The following TFB1M variants were observed in gnomAD, a reference collection of about 807,000 sequenced individuals.
TFB1M encodes transcription factor B1, mitochondrial, also known as dimethyladenosine transferase 1, mitochondrial.
A neutral mutation model predicts 31.1 loss-of-function variants in TFB1M; 27 were observed. The ratio of observed to expected loss-of-function variants is 0.87; its 90% CI spans 0.64 to 1.20. TFB1M has a LOEUF of 1.20. Among genes scored for constraint, TFB1M ranks in the 50% most tolerant of loss-of-function variants. TFB1M has a pLI of 0.00. For missense variants in TFB1M, 394 were observed against 418.7 expected, an observed-to-expected ratio of 0.94 and a Z score of 0.51; for synonymous variants, 166 against 151.8, an observed-to-expected ratio of 1.09 and a Z score of -0.69.
intron 2 of TFB1M, among the ~76,000 whole-genome samples, chr6:155,305,386 G>A (rs189964880): frequency 0.019 from 240 of 12,638 alleles, 72 homozygotes; most frequent in African/African-American, 0.081. Flanking sequence ...ATATTAAATT[G>A]TATATTTATA....
rs1784165234 is a variant in TFB1M, at chr6:155,257,765, A to AGAG, written c.*68_*70dup. On this transcript the variant is annotated 3_prime_UTR_variant, in exon 7 of 7. Coordinates refer to ENST00000367166, the MANE Select transcript of TFB1M (RefSeq NM_016020.4). ...TGTATCGTCATTCTGTAAAGACAAA[A>AGAG]GAGTACCTATATAAGAAGCTCCACG... The AGAG allele has an allele frequency of 6.3e-7, 1 of 1,583,118 alleles. No homozygotes were observed. Among genetic ancestry groups the AGAG allele is most frequent in the Admixed American group, 1.8e-5 (1 of 56,812 alleles).
the TFB1M span, among the ~76,000 whole-genome samples, chr6:155,231,463 G>C: frequency 6.6e-6 from 1 of 152,136 alleles, no homozygotes; most frequent in Admixed American, 6.5e-5. Flanking sequence ...TGAATGGTTT[G>C]TCCTCAACTT....
intron 4 of TFB1M, among the ~76,000 whole-genome samples, chr6:155,293,006 A>AT (rs900856370): frequency 2.0e-5 from 3 of 151,844 alleles, no homozygotes; most frequent in African/African-American, 7.3e-5. Flanking sequence ...TTTTTTATTT[A>AT]TTTTTTGTAG....
intron 5 of TFB1M, among the ~76,000 whole-genome samples, chr6:155,261,662 T>C (rs971489380): frequency 7.2e-5 from 11 of 152,214 alleles, no homozygotes; most frequent in African/African-American, 2.7e-4. Flanking sequence ...CCCGGACCCC[T>C]GAGAGCTTGC....
At chr6:155,281,340 T>C (rs1785488001) in intron 5 of TFB1M, among the ~76,000 whole-genome samples, 1 of 152,250 alleles carries the variant, frequency 6.6e-6, no homozygotes, top group Non-Finnish European at 1.5e-5. Context: ...GGAAGTCTAC[T>C]GCCTCTACCA....
At chr6:155,255,790 T>C (rs1245337102), downstream of TFB1M, 3 of 152,336 alleles carry the variant, frequency 2.0e-5, no homozygotes, top group African/African-American at 7.2e-5. Flanking sequence ...CCTTGAGCTC[T>C]TGAGAACAGG....
chr6:155,285,106 G>C lies in TFB1M; in HGVS notation c.666+52C>G. The C allele has an allele frequency of 1.9e-6, 3 of 1,609,198 alleles. No homozygotes were observed. In the South Asian group the frequency reaches 3.3e-5, roughly 18 times the overall value. ...GTTATTTCCTATGACACATCCTCAG[G>C]GGAACAAACGTCCTAATTCCGATAT... On this transcript the variant is annotated intron_variant, in intron 5 of 6. Coordinates refer to ENST00000367166, the MANE Select transcript of TFB1M (RefSeq NM_016020.4).
chr6:155,264,616 T>G (rs1159578206), intron 5 of TFB1M, among the ~76,000 whole-genome samples: 1 of 152,220 alleles, frequency 6.6e-6, no homozygotes, highest in East Asian at 1.9e-4. Context: ...CCCTTTTTTC[T>G]TCCTACAGAT....
intron 6 of TFB1M, among the ~76,000 whole-genome samples, chr6:155,259,238 T>C (rs562035273): frequency 2.6e-5 from 4 of 152,354 alleles, no homozygotes; most frequent in Admixed American, 6.5e-5. Context: ...TCACCAGCAG[T>C]GCACAGTAGC....
At chr6:155,242,537 G>T in the TFB1M span, among the ~76,000 whole-genome samples, 1 of 152,194 alleles carries the variant, frequency 6.6e-6, no homozygotes, top group Non-Finnish European at 1.5e-5. Flanking sequence ...TTTGCTCTCT[G>T]AACTAAGGCC....
intron 2 of TFB1M, among the ~76,000 whole-genome samples, chr6:155,307,926 A>C (rs986604481): frequency 2.6e-5 from 4 of 151,542 alleles, no homozygotes; most frequent in African/African-American, 9.7e-5. Context: ...AAAAAAAATG[A>C]GAGGAAATCT....
chr6:155,314,360 C>G lies in TFB1M; in HGVS notation c.69G>C (p.Lys23Asn). Residue 23 changes from lysine (K) to asparagine (N), a missense_variant, in exon 1 of 7, where the codon AAG becomes AAC. Physicochemically the swap from Lys to Asn is moderately conservative, Grantham distance 94. Around this residue, in one of 3 missense-constraint regions of TFB1M, gnomAD observed 273 missense variants for 256.4 expected, o/e 1.06. Transcript: ENST00000367166. The part of the protein sequence containing the change: ...PPLPTIREII[K>N]LLRLQAAKQL... The stretch of plus-strand genomic sequence containing the variant: ...GCTTCGCTGCTTGCAGTCTTAACAA[C>G]TTAATGATTTCTCGAATCGTGGGCA... 1 of 1,614,248 alleles carries G rather than the reference C, an allele frequency of 6.2e-7. No individual in the cohort carries two copies. The highest frequency in any genetic ancestry group is 8.5e-7 in the Non-Finnish European group (1 of 1,180,044).
chr6:155,249,924 C>T, the TFB1M span: 23 of 1,613,870 alleles, frequency 1.4e-5, no homozygotes, highest in South Asian at 1.2e-4. Flanking sequence ...ATTATGGGAC[C>T]GTGTTTGACC....
At chr6:155,284,766 AAAT>A (rs1476277481) in intron 5 of TFB1M, among the ~76,000 whole-genome samples, 1 of 152,244 alleles carries the variant, frequency 6.6e-6, no homozygotes. Context: ...AGTGTTAAGT[AAAT>A]AATGTTTGAT....
Position 155,314,378 on chromosome 6 carries a change from C to A in TFB1M, c.51G>T (p.Thr17=). Residue 17 remains threonine (T), a synonymous_variant, in exon 1 of 7, where the codon ACG becomes ACT. Transcript: ENST00000367166. ...TTAACAACTTAATGATTTCTCGAAT[C>A]GTGGGCAACGGAGGGAGACGGCAAG... ...LSTCRLPPLP[T]IREIIKLLRL... The A allele has an allele frequency of 6.2e-7, 1 of 1,614,238 alleles. No homozygotes were observed. Among genetic ancestry groups the A allele is most frequent in the East Asian group, 2.2e-5 (1 of 44,882 alleles).
rs1280188310 is a variant in TFB1M, at chr6:155,257,446, T to G, written c.*390A>C. The G allele has an allele frequency of 1.5e-5, 5 of 338,936 alleles. No homozygotes were observed. In the East Asian group the frequency reaches 3.5e-4, roughly 24 times the overall value. 21.0% of individuals were successfully genotyped at this position (338,936 alleles called of 1,614,324 possible). A position where few individuals can be genotyped will look rare whatever the true frequency, so the allele number is the denominator to read the frequency against. ...GGCTGGGGAAGTCGTGATTAATAGT[T>G]TTCAAAGGGCCATTTTTTAAAATCC... On this transcript the variant is annotated 3_prime_UTR_variant, in exon 7 of 7. Transcript: ENST00000367166.
chr6:155,258,735 C>A (rs1176603495), intron 6 of TFB1M, among the ~76,000 whole-genome samples: 2 of 152,200 alleles, frequency 1.3e-5, no homozygotes, highest in African/African-American at 2.4e-5. Context: ...AGTCTCAGGG[C>A]TCTTACAGAG....
the TFB1M span, chr6:155,251,041 G>C: frequency 6.2e-7 from 1 of 1,602,374 alleles, no homozygotes; most frequent in Non-Finnish European, 8.6e-7. Context: ...CCATTCAGAA[G>C]AATGCAGACT....
chr6:155,275,828 G>C, intron 5 of TFB1M: 1 of 1,614,098 alleles, frequency 6.2e-7, no homozygotes, highest in Non-Finnish European at 8.5e-7. Flanking sequence ...TGTGGATGTG[G>C]ACTCCAACAT....
Sources: allele counts gnomAD v4.1 joint callset (sites outside exome capture counted in the v4.1 genomes callset), GRCh38; gene constraint gnomAD v4.1.1; regional missense constraint gnomAD v4.1.1; transcripts MANE v1.5; gene names NCBI Gene and HGNC (gene_info 2026-07-23, HGNC 2026-07-21).